Variants in GRIN3A observed in about 807,000 individuals in gnomAD.
GRIN3A encodes the protein glutamate ionotropic receptor NMDA type subunit 3A.
Under a neutral mutation model 92.4 loss-of-function variants are expected in GRIN3A, and 47 were observed. The ratio of observed to expected loss-of-function variants is 0.51; its 90% confidence interval spans 0.40 to 0.65. The LOEUF is 0.65. GRIN3A is among the 30% of genes least tolerant of loss of function. GRIN3A has a pLI of 0.00. For missense variants in GRIN3A, 1,324 were observed against 1,393.1 expected (o/e 0.95, Z 0.79); for synonymous variants, 527 against 540.6 (o/e 0.97, Z 0.35).
intron 3 of GRIN3A, among the ~76,000 whole-genome samples, chr9:101,636,627 T>A (rs1187214152): frequency 6.6e-6 from 1 of 152,210 alleles, no homozygotes; most frequent in Non-Finnish European, 1.5e-5. Flanking sequence ...AATTTTTCTC[T>A]AATATATAAC....
chr9:101,691,778 T>C (rs1194332864), intron 1 of GRIN3A, among the ~76,000 whole-genome samples: 1 of 152,226 alleles, frequency 6.6e-6, no homozygotes, highest in Non-Finnish European at 1.5e-5. Flanking sequence ...TGGGCTTTTC[T>C]GTCCTCTTTT....
Position 101,687,179 on chromosome 9 carries a change from T to A in GRIN3A, c.721A>T (p.Ser241Cys). Residue 241 changes from serine to cysteine, a missense_variant, in exon 2 of 9, where the codon AGT (serine) becomes TGT (cysteine). Ser to Cys is a moderately radical substitution (Grantham distance 112). Transcript: ENST00000361820. ...ESQNPLHLQL[S>C]LENSLSSDAD... ...TCAGAACTTAATGAATTTTCTAAACTCAGTTGTAGGTGAAGGGGATTCTGT... is the reference window on the plus strand; with the variant it reads ...TCAGAACTTAATGAATTTTCTAAACACAGTTGTAGGTGAAGGGGATTCTGT... 3 of 1,613,906 alleles carry A rather than the reference T, an allele frequency of 1.9e-6. No homozygotes were observed. Among genetic ancestry groups the A allele is most frequent in the East Asian group, 2.2e-5 (1 of 44,874 alleles).
At chr9:101,646,503 C>T (rs1013493413) in intron 3 of GRIN3A, among the ~76,000 whole-genome samples, 4 of 151,648 alleles carry the variant, frequency 2.6e-5, no homozygotes, top group South Asian at 2.1e-4. Flanking sequence ...CTATTTGGAG[C>T]CTTTTGGGGT....
In GRIN3A at chr9:101,573,162, C is replaced by G. The variant is rs373958871; in HGVS notation, c.*12G>C. The G allele has an allele frequency of 1.6e-5, 26 of 1,603,980 alleles. No homozygotes were observed. The African/African-American group carries it at 2.4e-4, about 15-fold the overall frequency. ...AAGGTCAGGAACTGAGAAAGGGAAGCAGTGTGGTCACCTAGGACTCACAAG... is the reference window on the plus strand; with the variant it reads ...AAGGTCAGGAACTGAGAAAGGGAAGGAGTGTGGTCACCTAGGACTCACAAG... On this transcript the variant is annotated 3_prime_UTR_variant, in exon 9 of 9. Coordinates refer to ENST00000361820, the MANE Select transcript of GRIN3A (RefSeq NM_133445.3).
chr9:101,640,641 A>T (rs961223870), intron 3 of GRIN3A, among the ~76,000 whole-genome samples: 1 of 150,672 alleles, frequency 6.6e-6, no homozygotes, highest in Non-Finnish European at 1.5e-5. Flanking sequence ...AACTCCCACA[A>T]TTCCCATGTG....
rs1222094615 is a variant in GRIN3A, at chr9:101,736,008, C to T, written c.699+1273G>A. On this transcript the variant is annotated intron_variant, in intron 1 of 8. Coordinates refer to ENST00000361820, the MANE Select transcript of GRIN3A (RefSeq NM_133445.3). ...TCTAGAAAAAGAAATCTTTAGTACT[C>T]CCTTGACAATTTATGCATAGATTCT... Among the ~76,000 whole-genome samples, 4 of 152,190 alleles carry T rather than the reference C, an allele frequency of 2.6e-5. No individual in the cohort carries two copies. The East Asian group carries it at 7.7e-4, about 29-fold the overall frequency.
At chr9:101,611,530 C>T (rs1483359739) in intron 6 of GRIN3A, among the ~76,000 whole-genome samples, 1 of 152,156 alleles carries the variant, frequency 6.6e-6, no homozygotes, top group Admixed American at 6.5e-5. Flanking sequence ...CAGTACACTA[C>T]CAATTTCACA....
At chr9:101,645,305 A>G (rs190580758) in intron 3 of GRIN3A, among the ~76,000 whole-genome samples, 3 of 151,844 alleles carry the variant, frequency 2.0e-5, no homozygotes, top group African/African-American at 4.8e-5. Flanking sequence ...CTCCAGTTCC[A>G]TCAGTTTTGC....
Position 101,670,752 on chromosome 9 carries a change from A to G in GRIN3A, c.1660T>C (p.Leu554=), listed in dbSNP as rs10512285. Residue 554 remains leucine (L), a synonymous_variant, in exon 3 of 9, where the codon TTG becomes CTG. Transcript: ENST00000361820. ...TGGAGGCTGCTAAAAAGGCTGTCCA[A>G]TGTGGAAGAGTCATTAGTCATGGGG... ...LDPMTNDSST[L]DSLFSSLHSS... is the part of the protein sequence containing the mutation. The G allele has an allele frequency of 0.38, 620,590 of 1,613,574 alleles. 122,987 individuals are homozygous for G. Among genetic ancestry groups the G allele is most frequent in the Non-Finnish European group, 0.41 (483,364 of 1,179,630 alleles).
At chr9:101,598,258 C>T (rs75223077) in intron 6 of GRIN3A, among the ~76,000 whole-genome samples, 270 of 152,198 alleles carry the variant, frequency 1.8e-3, no homozygotes, top group African/African-American at 6.1e-3. Flanking sequence ...ATTTACAGCA[C>T]ATGTCAATTA....
intron 3 of GRIN3A, among the ~76,000 whole-genome samples, chr9:101,638,310 T>A (rs535797960): frequency 6.6e-6 from 1 of 152,276 alleles, no homozygotes; most frequent in East Asian, 1.9e-4. Context: ...GCTGCAAAGG[T>A]TCTATCTCTT....
At chr9:101,643,654 G>C (rs1828895481) in intron 3 of GRIN3A, among the ~76,000 whole-genome samples, 1 of 147,066 alleles carries the variant, frequency 6.8e-6, no homozygotes, top group Non-Finnish European at 1.5e-5. Context: ...CAACCTAAAT[G>C]TCTCTCTCTC....
chr9:101,688,496 G>A lies in GRIN3A; in HGVS notation c.700-1296C>T, dbSNP rs549920473. 5.3e-5 allele frequency among the ~76,000 whole-genome samples: 8 copies of A among 152,268 alleles called. No individual in the cohort carries two copies. In the South Asian group the frequency reaches 6.2e-4, roughly 12 times the overall value. On this transcript the variant is annotated intron_variant, in intron 1 of 8. Coordinates refer to ENST00000361820, the MANE Select transcript of GRIN3A (RefSeq NM_133445.3). ...AAGCTTGTAATGATAAAAACAGAGC[G>A]TTGGAAAAATCATCACTGGGAAGCA...
chr9:101,606,586 A>G (rs1042618601), intron 6 of GRIN3A, among the ~76,000 whole-genome samples: 8 of 152,084 alleles, frequency 5.3e-5, no homozygotes, highest in Non-Finnish European at 1.0e-4. Context: ...GTTTCCTTAA[A>G]TCATACTTTT....
intron 3 of GRIN3A, among the ~76,000 whole-genome samples, chr9:101,658,837 A>T (rs2118928897): frequency 6.6e-6 from 1 of 151,838 alleles, no homozygotes; most frequent in South Asian, 2.1e-4. Flanking sequence ...GATTGAGAAA[A>T]TTGAGTCCTA....
chr9:101,698,013 A>C (rs916750372), intron 1 of GRIN3A, among the ~76,000 whole-genome samples: 12 of 152,208 alleles, frequency 7.9e-5, no homozygotes, highest in Non-Finnish European at 1.8e-4. Flanking sequence ...ATTGCCATTT[A>C]TAAGAGAGGA....
At chr9:101,714,772 C>G (rs1340217192) in intron 1 of GRIN3A, among the ~76,000 whole-genome samples, 1 of 151,960 alleles carries the variant, frequency 6.6e-6, no homozygotes, top group Non-Finnish European at 1.5e-5. Context: ...TTAATCTTGA[C>G]AAAATCAATG....
intron 6 of GRIN3A, among the ~76,000 whole-genome samples, chr9:101,604,831 T>C (rs1039344404): frequency 6.6e-6 from 1 of 152,234 alleles, no homozygotes; most frequent in Non-Finnish European, 1.5e-5. Context: ...CAATGTGACT[T>C]GTGGGATTCC....
At chr9:101,627,570 C>T (rs1290314301) in intron 4 of GRIN3A, among the ~76,000 whole-genome samples, 3 of 152,140 alleles carry the variant, frequency 2.0e-5, no homozygotes, top group Non-Finnish European at 4.4e-5. Context: ...GAGGACTACT[C>T]ACCCTCATGT....
Sources: allele counts gnomAD v4.1 joint callset (sites outside exome capture counted in the v4.1 genomes callset), GRCh38; gene constraint gnomAD v4.1.1; transcripts MANE v1.5; gene names NCBI Gene and HGNC (gene_info 2026-07-23, HGNC 2026-07-21).